ZNF324B: variants seen among roughly 807,000 people sequenced by gnomAD.
ZNF324B encodes zinc finger protein 324B.
Under a neutral mutation model 10.6 loss-of-function variants are expected in ZNF324B, and 7 were observed. The observed-to-expected ratio is 0.66, with a 90% CI of 0.38 to 1.24. The LOEUF (loss-of-function observed/expected upper bound fraction) is 1.24, where lower values mean the gene tolerates loss of function less well. Ranked by LOEUF, ZNF324B falls within the 50% of genes most tolerant of loss-of-function variation. The probability of loss-of-function intolerance (pLI) is 0.02; values close to 1 mark genes in which losing one functional copy is unlikely to be tolerated. For synonymous variants in ZNF324B, 316 were observed against 321.0 expected (o/e 0.98, Z 0.17); for missense variants, 640 against 764.7 (o/e 0.84, Z 1.92).
chr19:58,451,377 G>A (rs961380014), upstream of ZNF324B, among the ~76,000 whole-genome samples: 4 of 152,242 alleles, frequency 2.6e-5, no homozygotes, highest in African/African-American at 4.8e-5. Context: ...TCCCCAACGC[G>A]GGACAACCTG....
chr19:58,436,169 G>A, the ZNF324B span: 1,039 of 152,186 alleles, frequency 6.8e-3, 3 homozygotes, highest in Non-Finnish European at 8.1e-3. Flanking sequence ...GCCTAGGACC[G>A]GGGGGAAAGG....
the ZNF324B span, among the ~76,000 whole-genome samples, chr19:58,420,868 C>T: frequency 1.3e-4 from 19 of 151,256 alleles, no homozygotes; most frequent in Non-Finnish European, 2.5e-4. Context: ...CCAGCATGCC[C>T]GGCTAATTTG....
the ZNF324B span, chr19:58,433,608 G>A: frequency 2.1e-4 from 346 of 1,613,862 alleles, 4 homozygotes; most frequent in African/African-American, 4.0e-3. Flanking sequence ...AAATAAGGCT[G>A]GATTTTCGGC....
At chr19:58,444,380 G>A in the ZNF324B span, 1 of 152,226 alleles carries the variant, frequency 6.6e-6, no homozygotes, top group East Asian at 1.9e-4. Context: ...CATAACTACA[G>A]TCCCAACTAC....
At chr19:58,445,022 A>T in the ZNF324B span, 2 of 218,556 alleles carry the variant, frequency 9.2e-6, no homozygotes, top group South Asian at 1.2e-4. Context: ...CTAATGAAGG[A>T]CTCCTAAGTT....
chr19:58,419,998 T>C, the ZNF324B span, among the ~76,000 whole-genome samples: 3 of 152,122 alleles, frequency 2.0e-5, no homozygotes, highest in Non-Finnish European at 4.4e-5. Flanking sequence ...AAAATCGTTT[T>C]AGGCTGGGCG....
At chr19:58,423,539 T>C in the ZNF324B span, among the ~76,000 whole-genome samples, 1 of 152,188 alleles carries the variant, frequency 6.6e-6, no homozygotes, top group Non-Finnish European at 1.5e-5. Flanking sequence ...AGATATCAAA[T>C]GCATTTTTTC....
the ZNF324B span, chr19:58,418,455 A>T: frequency 1.3e-5 from 2 of 151,684 alleles, no homozygotes; most frequent in Non-Finnish European, 2.9e-5. Context: ...CAGCCTCCTG[A>T]GTAGCTGGCA....
chr19:58,437,301 A>G, the ZNF324B span: 5 of 1,423,136 alleles, frequency 3.5e-6, no homozygotes, highest in Non-Finnish European at 3.8e-6. Context: ...TACCACTAAT[A>G]TCTCTTTTTC....
upstream of ZNF324B, among the ~76,000 whole-genome samples, chr19:58,446,985 C>CT (rs951962224): frequency 1.6e-4 from 23 of 140,546 alleles, no homozygotes; most frequent in African/African-American, 5.0e-4. Flanking sequence ...TTCTCTCTTT[C>CT]TTTTTTTTGA....
At chr19:58,442,161 C>CTTTTTTTTTTTTTTTTTTT in the ZNF324B span, 8 of 95,002 alleles carry the variant, frequency 8.4e-5, 3 homozygotes, top group African/African-American at 5.1e-4. Context: ...TGTTACAGTT[C>CTTTTTTTTTTTTTTTTTTT]TTTTTTTTTT....
At chr19:58,451,533 A>C, upstream of ZNF324B, 1 of 493,652 alleles carries the variant, frequency 2.0e-6, no homozygotes, top group Non-Finnish European at 4.0e-6. Flanking sequence ...ACAGGCAGGA[A>C]CCACATAACC....
At chr19:58,449,227 C>G (rs1329146408), upstream of ZNF324B, among the ~76,000 whole-genome samples, 1 of 152,226 alleles carries the variant, frequency 6.6e-6, no homozygotes, top group Non-Finnish European at 1.5e-5. Flanking sequence ...AACTCAAGAA[C>G]TGAGGTTTGG....
the ZNF324B span, among the ~76,000 whole-genome samples, chr19:58,424,933 TAGC>T: frequency 1.3e-5 from 2 of 152,194 alleles, no homozygotes; most frequent in African/African-American, 4.8e-5. Flanking sequence ...CAAATGTTTA[TAGC>T]AGCTTCATTT....
At chr19:58,427,452 CCCTTCCTTCCTT>C in the ZNF324B span, among the ~76,000 whole-genome samples, 19 of 47,066 alleles carry the variant, frequency 4.0e-4, 1 homozygote, top group South Asian at 3.1e-3. Context: ...CCTTTCCTTT[CCCTTCCTTCCTT>C]CCTTCCTTCC....
upstream of ZNF324B, among the ~76,000 whole-genome samples, chr19:58,447,830 G>A (rs1357961225): frequency 6.6e-6 from 1 of 152,186 alleles, no homozygotes; most frequent in African/African-American, 2.4e-5. Flanking sequence ...AGATAAGTGA[G>A]TCATGGGGGC....
chr19:58,438,970 C>T, the ZNF324B span, among the ~76,000 whole-genome samples: 308 of 151,854 alleles, frequency 2.0e-3, 1 homozygote, highest in African/African-American at 6.8e-3. Context: ...GGTGGGGTTT[C>T]GCCACGTTGG....
At chr19:58,438,915 T>C in the ZNF324B span, among the ~76,000 whole-genome samples, 1 of 152,038 alleles carries the variant, frequency 6.6e-6, no homozygotes, top group Non-Finnish European at 1.5e-5. Context: ...GGATTACAGG[T>C]GCACACTACC....
the ZNF324B span, among the ~76,000 whole-genome samples, chr19:58,427,950 A>T: frequency 6.6e-6 from 1 of 152,188 alleles, no homozygotes; most frequent in African/African-American, 2.4e-5. Context: ...CATGTGTCTT[A>T]CATATTGGAG....
Sources: allele counts gnomAD v4.1 joint callset (sites outside exome capture counted in the v4.1 genomes callset), GRCh38; gene constraint gnomAD v4.1.1; transcripts MANE v1.5; gene names NCBI Gene and HGNC (gene_info 2026-07-23, HGNC 2026-07-21).